KAZN: variants seen among roughly 807,000 people sequenced by gnomAD.
The protein encoded by KAZN is kazrin.
Under a neutral mutation model 87.4 loss-of-function variants are expected in KAZN, and 40 were observed. That is an observed-to-expected ratio of 0.46 (90% CI 0.36 to 0.60). The LOEUF (loss-of-function observed/expected upper bound fraction) is 0.60. KAZN is among the 20% of genes least tolerant of loss of function. The probability of loss-of-function intolerance (pLI) is 0.00; values close to 1 mark genes in which losing one functional copy is unlikely to be tolerated. For missense variants in KAZN, 898 were observed against 1,073.9 expected (o/e 0.84, Z 2.29); for synonymous variants, 466 against 458.3 (o/e 1.02, Z -0.22).
At chr1:14,266,598 A>G (rs1651490319) in intron 2 of KAZN, among the ~76,000 whole-genome samples, 1 of 152,224 alleles carries the variant, frequency 6.6e-6, no homozygotes, top group African/African-American at 2.4e-5. Flanking sequence ...ACACAAGATA[A>G]TAATTTACCC....
intron 1 of KAZN, among the ~76,000 whole-genome samples, chr1:14,863,279 T>C (rs1204928085): frequency 3.9e-5 from 6 of 152,130 alleles, no homozygotes; most frequent in Non-Finnish European, 8.8e-5. Flanking sequence ...CCCTGAGTGC[T>C]CCAAGAGTCC....
chr1:14,099,834 ATCACCT>A (rs1644209961), intron 1 of KAZN, among the ~76,000 whole-genome samples: 1 of 152,174 alleles, frequency 6.6e-6, no homozygotes, highest in Non-Finnish European at 1.5e-5. Flanking sequence ...TTAGAAATAA[ATCACCT>A]TCTTTATATC....
intron 1 of KAZN, among the ~76,000 whole-genome samples, chr1:14,758,167 C>T (rs1464031104): frequency 6.6e-6 from 1 of 151,768 alleles, no homozygotes; most frequent in Non-Finnish European, 1.5e-5. Context: ...CCCTCCCTCC[C>T]TCCATTCCTT....
At chr1:14,758,375 G>A (rs1456751876) in intron 1 of KAZN, among the ~76,000 whole-genome samples, 1 of 151,984 alleles carries the variant, frequency 6.6e-6, no homozygotes, top group South Asian at 2.1e-4. Context: ...GTCTTGCCGT[G>A]TTGCCCAGGC....
chr1:14,552,014 T>G (rs1040546106), intron 2 of KAZN, among the ~76,000 whole-genome samples: 2 of 152,208 alleles, frequency 1.3e-5, no homozygotes, highest in African/African-American at 4.8e-5. Flanking sequence ...TCTTTTTTTC[T>G]TAATGCTATC....
chr1:14,444,669 G>A (rs1221419172), intron 2 of KAZN, among the ~76,000 whole-genome samples: 1 of 152,120 alleles, frequency 6.6e-6, no homozygotes. Context: ...CGTCTGGGTA[G>A]AATCGGGGTT....
intron 2 of KAZN, among the ~76,000 whole-genome samples, chr1:14,478,864 G>A (rs1668918668): frequency 6.6e-6 from 1 of 152,158 alleles, no homozygotes; most frequent in South Asian, 2.1e-4. Context: ...GCAAAGGCTT[G>A]GATACAGGTA....
In KAZN at chr1:14,368,979, T is replaced by C. The variant is rs1356509976; in HGVS notation, c.249+188387T>C. 2.6e-5 allele frequency among the ~76,000 whole-genome samples: 4 copies of C among 152,164 alleles called. No individual in the cohort carries two copies. In the East Asian group the frequency reaches 7.7e-4, roughly 29 times the overall value. On this transcript the variant is annotated intron_variant, in intron 2 of 16. Coordinates refer to the KAZN transcript ENST00000636203. Reference sequence around the variant, plus strand: ...GTCCTGATCTTATCCGGGTCACCTTTCTTTGGTCCACATTTCAAACAGTGG... The same window carrying C: ...GTCCTGATCTTATCCGGGTCACCTTCCTTTGGTCCACATTTCAAACAGTGG...
rs761018647 is a variant in KAZN at position 15,065,665 on chromosome 1, G to C, written c.1134G>C (p.Lys378Asn). 10 of 1,614,128 alleles carry C rather than the reference G, an allele frequency of 6.2e-6. No homozygotes were observed. In the Admixed American group the frequency reaches 1.5e-4, roughly 24 times the overall value. ...LEDLEDQKRK[K>N]KKEKMGFGSI... ...ATCTTGAAGACCAAAAACGGAAAAA[G>C]AAGAAAGAGAAGATGGGATTCGGCT... Residue 378 changes from lysine to asparagine, a missense_variant, in exon 8 of 15, where the codon AAG becomes AAC. Physicochemically the swap from Lys to Asn is moderately conservative, Grantham distance 94 (BLOSUM62 0). Around this residue, in one of 3 missense-constraint regions of KAZN, gnomAD observed 521 missense variants for 689.4 expected, o/e 0.76. Transcript: ENST00000376030.
intron 2 of KAZN, among the ~76,000 whole-genome samples, chr1:14,203,595 G>A (rs1430661551): frequency 3.3e-5 from 5 of 152,188 alleles, no homozygotes; most frequent in East Asian, 3.8e-4. Context: ...CACATCCCTC[G>A]ATTTGACAAA....
In KAZN at chr1:14,954,191, G is replaced by T. The variant is rs2101726862; in HGVS notation, c.227-6493G>T. Among the ~76,000 whole-genome samples, 4 of 152,300 alleles carry T rather than the reference G, an allele frequency of 2.6e-5. No homozygotes were observed. The East Asian group carries it at 7.7e-4, about 29-fold the overall frequency. Reference sequence around the variant, plus strand: ...AACAGTTGGCTCCCTGGGGCAGGAGGGCCACCGTTTCCCAGACAATGTTTA... The same window carrying T: ...AACAGTTGGCTCCCTGGGGCAGGAGTGCCACCGTTTCCCAGACAATGTTTA... On this transcript the variant is annotated intron_variant, in intron 1 of 14. Transcript: ENST00000376030.
At chr1:15,038,549 C>T (rs1003789041) in intron 3 of KAZN, among the ~76,000 whole-genome samples, 1 of 152,118 alleles carries the variant, frequency 6.6e-6, no homozygotes, top group Non-Finnish European at 1.5e-5. Context: ...TTATTGTGCA[C>T]CTACTGTATA....
intron 2 of KAZN, among the ~76,000 whole-genome samples, chr1:14,565,210 T>C (rs945317671): frequency 6.6e-6 from 1 of 152,218 alleles, no homozygotes; most frequent in Non-Finnish European, 1.5e-5. Flanking sequence ...TGTGCAAGCA[T>C]ACTTTGATAA....
intron 1 of KAZN, among the ~76,000 whole-genome samples, chr1:14,084,115 G>A (rs1185646155): frequency 2.0e-5 from 3 of 152,242 alleles, no homozygotes; most frequent in Non-Finnish European, 4.4e-5. Flanking sequence ...CCTCTGGAGG[G>A]AGGTGATGGT....
At chr1:14,364,540 A>G (rs1659805170) in intron 2 of KAZN, among the ~76,000 whole-genome samples, 1 of 152,210 alleles carries the variant, frequency 6.6e-6, no homozygotes, top group South Asian at 2.1e-4. Flanking sequence ...TAGGAAAGGG[A>G]TCCATAAAGA....
rs760881462 is a variant in KAZN, at chr1:14,405,606, A to ATATGTG, written c.250-193376_250-193375insATGTGT. Among the ~76,000 whole-genome samples, 364 of 136,324 alleles carry ATATGTG rather than the reference A, an allele frequency of 2.7e-3. 1 individual carries two copies. The highest frequency in any genetic ancestry group is 0.016 in the South Asian group (61 of 3,924). The allele number at this position is 136,324 out of a possible 152,430, so 89.4% of individuals were successfully genotyped here. On this transcript the variant is annotated intron_variant, in intron 2 of 16. Transcript: ENST00000636203. ...CCTCCAGAAAAACAGACCCAATAAA[A>ATATGTG]TGTGTGTGTGTGTGTGTGTGTGTGT...
At chr1:15,040,419 G>A (rs954966273) in intron 3 of KAZN, among the ~76,000 whole-genome samples, 5 of 152,162 alleles carry the variant, frequency 3.3e-5, no homozygotes, top group African/African-American at 1.2e-4. Context: ...TGGGAGTCGG[G>A]GGATGGCACA....
At chr1:14,823,839 C>T (rs951716043) in intron 1 of KAZN, among the ~76,000 whole-genome samples, 5 of 152,108 alleles carry the variant, frequency 3.3e-5, no homozygotes, top group African/African-American at 9.7e-5. Flanking sequence ...GTGGGCCCGG[C>T]GTGGTGGCTT....
At chr1:14,788,228 G>A (rs1462767543) in intron 1 of KAZN, among the ~76,000 whole-genome samples, 1 of 152,192 alleles carries the variant, frequency 6.6e-6, no homozygotes, top group Admixed American at 6.5e-5. Context: ...GCATCAGCCA[G>A]GGATAGGCGA....
Sources: allele counts gnomAD v4.1 joint callset (sites outside exome capture counted in the v4.1 genomes callset), GRCh38; gene constraint gnomAD v4.1.1; regional missense constraint gnomAD v4.1.1; transcripts MANE v1.5; gene names NCBI Gene and HGNC (gene_info 2026-07-23, HGNC 2026-07-21).